PTPRB: variants seen among roughly 807,000 people sequenced by gnomAD.
PTPRB encodes the protein receptor-type tyrosine-protein phosphatase beta.
In PTPRB, 97 loss-of-function variants were observed where a neutral mutation model predicts 238.1. The ratio of observed to expected loss-of-function variants is 0.41; its 90% CI spans 0.35 to 0.48. The LOEUF is 0.48. Among genes scored for constraint, PTPRB ranks in the 20% least tolerant of loss-of-function variants. The pLI, the probability that PTPRB is intolerant of heterozygous loss-of-function variation, is 0.30. For synonymous variants in PTPRB, 970 were observed against 995.4 expected, an observed-to-expected ratio of 0.97 and a Z score of 0.48; for missense variants, 2,292 against 2,681.9, an observed-to-expected ratio of 0.85 and a Z score of 3.21.
chr12:70,536,607 G>T (rs554609368), intron 28 of PTPRB, among the ~76,000 whole-genome samples: 1 of 152,308 alleles, frequency 6.6e-6, no homozygotes, highest in East Asian at 1.9e-4. Flanking sequence ...TTGACTGAGC[G>T]TCTACCATCT....
chr12:70,524,939 G>GTA (rs1297542706), intron 32 of PTPRB, among the ~76,000 whole-genome samples: 2 of 148,202 alleles, frequency 1.3e-5, no homozygotes, highest in African/African-American at 2.6e-5. Flanking sequence ...GTATATGTAT[G>GTA]TATATATATG....
At chr12:70,631,972 T>C (rs1182104685) in intron 2 of PTPRB, among the ~76,000 whole-genome samples, 1 of 152,144 alleles carries the variant, frequency 6.6e-6, no homozygotes, top group Non-Finnish European at 1.5e-5. Flanking sequence ...ACACTTACAC[T>C]GTTGGTAGGA....
chr12:70,589,231 T>A (rs903277410), intron 8 of PTPRB, among the ~76,000 whole-genome samples: 2 of 152,216 alleles, frequency 1.3e-5, no homozygotes, highest in Non-Finnish European at 2.9e-5. Flanking sequence ...GGTGTCATGA[T>A]CCTTTTCTTT....
intron 21 of PTPRB, among the ~76,000 whole-genome samples, chr12:70,548,244 C>G (rs564949065): frequency 5.4e-4 from 82 of 151,774 alleles, no homozygotes; most frequent in African/African-American, 2.0e-3. Flanking sequence ...ATGAGAATTG[C>G]TTGAATCTAA....
rs377288509 is a variant in PTPRB at position 70,544,678 on chromosome 12, G to A, written c.5388-15C>T. 5.3e-5 allele frequency: 80 copies of A among 1,518,608 alleles called. No homozygotes were observed. In the African/African-American group the frequency reaches 8.4e-4, roughly 16 times the overall value. The allele number at this position is 1,518,608 out of a possible 1,614,324, so 94.1% of individuals were successfully genotyped here. On this transcript the variant is annotated splice_polypyrimidine_tract_variant and intron_variant, in intron 21 of 33. Transcript: ENST00000334414. Reference sequence around the variant, plus strand: ...GAATGCTGATTCTGAAAAGAAAACCGATTTATTTAAATATAAATTAGTTGT... The same window carrying A: ...GAATGCTGATTCTGAAAAGAAAACCAATTTATTTAAATATAAATTAGTTGT...
intron 31 of PTPRB, among the ~76,000 whole-genome samples, chr12:70,533,616 C>T (rs1036924993): frequency 1.3e-5 from 2 of 152,162 alleles, no homozygotes; most frequent in Admixed American, 1.3e-4. Context: ...ATGTTTGTGT[C>T]CCCTCCAAAA....
chr12:70,526,381 A>AT (rs1458692399), intron 32 of PTPRB, among the ~76,000 whole-genome samples: 1 of 151,874 alleles, frequency 6.6e-6, no homozygotes, highest in Non-Finnish European at 1.5e-5. Flanking sequence ...TTAAAAAAAA[A>AT]TTTTTTTAGC....
chr12:70,561,028 T>G, intron 16 of PTPRB, 94 bp from the exon 17 acceptor site: 1 of 1,298,594 alleles, frequency 7.7e-7, no homozygotes, highest in Admixed American at 1.9e-5. Flanking sequence ...GGCATGTGGG[T>G]GAGTCGTACA....
rs372134728 is a variant in PTPRB, at chr12:70,534,689, C to T, written c.6205-38G>A. 1.2e-5 allele frequency: 19 copies of T among 1,604,562 alleles called. No individual in the cohort carries two copies. The African/African-American group carries it at 2.5e-4, about 21-fold the overall frequency. ...AGAGCAGGATAAAAGAGGAACTGTCCAATGCAAACCTTCAAACTTGACAGC... is the reference window on the plus strand; with the variant it reads ...AGAGCAGGATAAAAGAGGAACTGTCTAATGCAAACCTTCAAACTTGACAGC... On this transcript the variant is annotated intron_variant, in intron 30 of 33. Coordinates refer to ENST00000334414, the MANE Select transcript of PTPRB (RefSeq NM_001109754.4).
At chr12:70,544,251 G>A (rs1317876118) in intron 22 of PTPRB, among the ~76,000 whole-genome samples, 1 of 151,912 alleles carries the variant, frequency 6.6e-6, no homozygotes, top group African/African-American at 2.4e-5. Context: ...GTGTTTTGTA[G>A]TAACTTATAT....
Position 70,521,449 on chromosome 12 carries a change from C to A in PTPRB, c.*40G>T. On this transcript the variant is annotated 3_prime_UTR_variant, in exon 34 of 34. Coordinates refer to ENST00000334414, the MANE Select transcript of PTPRB (RefSeq NM_001109754.4). ...AGCAAGTTTTTAAAAACAAATCACA[C>A]AGTGAATAATTTTTATCCAGGAGCT... 6.6e-7 allele frequency: 1 copy of A among 1,505,272 alleles called. No homozygotes were observed. The highest frequency in any genetic ancestry group is 1.3e-5 in the South Asian group (1 of 76,308). 93.2% of individuals were successfully genotyped at this position (1,505,272 alleles called of 1,614,324 possible). A position where few individuals can be genotyped will look rare whatever the true frequency, so the allele number is the denominator to read the frequency against.
intron 2 of PTPRB, among the ~76,000 whole-genome samples, chr12:70,626,464 T>C (rs1885207392): frequency 6.6e-6 from 1 of 151,338 alleles, no homozygotes; most frequent in Non-Finnish European, 1.5e-5. Context: ...GGGTTCCTCA[T>C]CGGTGGATTC....
chr12:70,524,633 A>G (rs1176426499), intron 32 of PTPRB, 42 bp from the exon 33 acceptor site: 2 of 1,539,186 alleles, frequency 1.3e-6, no homozygotes, highest in Non-Finnish European at 1.8e-6. Context: ...GCCTGTTCTC[A>G]TGCATAAGAA....
chr12:70,534,532 G>C lies in PTPRB; in HGVS notation c.6324C>G (p.Tyr2108Ter). ...GCCCAGCACCCGGGCTTCTGTTGAT[G>C]TAGTCCCTGACAGTTCTCACAAACT... The part of the protein sequence containing the change: ...LIQFVRTVRD[Y>*]INRSPGAGPT... The change falls in exon 31 of 34, where the codon TAC becomes TAG. Residue 2108 changes from tyrosine to a stop codon, truncating the protein, a stop_gained. Transcript: ENST00000334414. LOFTEE classifies it high-confidence loss of function. 1.2e-6 allele frequency: 2 copies of C among 1,613,478 alleles called. No homozygotes were observed. The highest frequency in any genetic ancestry group is 1.7e-6 in the Non-Finnish European group (2 of 1,179,710).
chr12:70,570,203 G>A (rs1879860320), intron 13 of PTPRB, among the ~76,000 whole-genome samples: 1 of 152,146 alleles, frequency 6.6e-6, no homozygotes, highest in East Asian at 1.9e-4. Flanking sequence ...CTTGGTCCAA[G>A]TTTTGGTTTT....
At chr12:70,624,704 A>G (rs1263719625) in intron 2 of PTPRB, among the ~76,000 whole-genome samples, 2 of 152,134 alleles carry the variant, frequency 1.3e-5, no homozygotes, top group Non-Finnish European at 2.9e-5. Context: ...ACTGCTACGT[A>G]TGACAATTTT....
rs192788915 is a variant in PTPRB at position 70,535,736 on chromosome 12, T to C, written c.6081+289A>G. Among the ~76,000 whole-genome samples the C allele has an allele frequency of 7.0e-3, 1,072 of 152,262 alleles. 8 individuals carry two copies. The highest frequency in any genetic ancestry group is 0.012 in the Non-Finnish European group (829 of 68,018). On this transcript the variant is annotated intron_variant, in intron 29 of 33. Coordinates refer to ENST00000334414, the MANE Select transcript of PTPRB (RefSeq NM_001109754.4). ...CAGGGTCTCTCCTCCAGCCAGACAC[T>C]GAAGAATGGAGTAGCCAAGTGGCCA... is the stretch of plus-strand genomic sequence containing the variant.
At chr12:70,611,446 A>G (rs1187518533) in intron 3 of PTPRB, among the ~76,000 whole-genome samples, 1 of 151,356 alleles carries the variant, frequency 6.6e-6, no homozygotes, top group Non-Finnish European at 1.5e-5. Context: ...GTGCCACTAC[A>G]CCCAGCTAAT....
At position 70,550,616 on chromosome 12, in the gene PTPRB, A is replaced by G. The variant is rs2584027; in HGVS notation, c.5387+2161T>C. On this transcript the variant is annotated intron_variant, in intron 21 of 33. Transcript: ENST00000334414. ...TGCTTACACAGTTAAAAAGTGGCAGAGCTGGAACTCAAATGCAGGGGCTCT... is the reference window on the plus strand; with the variant it reads ...TGCTTACACAGTTAAAAAGTGGCAGGGCTGGAACTCAAATGCAGGGGCTCT... Among the ~76,000 whole-genome samples the G allele has an allele frequency of 7.0e-3, 1,067 of 152,306 alleles. 13 individuals carry two copies. The highest frequency in any genetic ancestry group is 0.024 in the African/African-American group (1,004 of 41,564).
Sources: allele counts gnomAD v4.1 joint callset (sites outside exome capture counted in the v4.1 genomes callset), GRCh38; gene constraint gnomAD v4.1.1; transcripts MANE v1.5; gene names NCBI Gene and HGNC (gene_info 2026-07-23, HGNC 2026-07-21).